MPP4: variants seen among roughly 807,000 people sequenced by gnomAD.
The protein encoded by MPP4 is MAGUK p55 subfamily member 4.
Under a neutral mutation model 98.3 loss-of-function variants are expected in MPP4, and 91 were observed. The ratio of observed to expected loss-of-function variants is 0.93; its 90% CI spans 0.78 to 1.10. The LOEUF (loss-of-function observed/expected upper bound fraction) is 1.10. Among genes scored for constraint, MPP4 ranks in the 50% least tolerant of loss-of-function variants. MPP4 has a pLI of 0.00. For missense variants in MPP4, 744 were observed against 792.9 expected (o/e 0.94, Z 0.74); for synonymous variants, 261 against 271.8 (o/e 0.96, Z 0.39).
chr2:201,689,456 C>T (rs549398377), intron 4 of MPP4, among the ~76,000 whole-genome samples: 7 of 152,032 alleles, frequency 4.6e-5, no homozygotes, highest in African/African-American at 9.6e-5. Context: ...TTTTGGTTGC[C>T]GTGTTGAGAG....
At position 201,687,703 on chromosome 2, in the gene MPP4, A is replaced by C. The variant is rs981751807; in HGVS notation, c.280-332T>G. Among the ~76,000 whole-genome samples the C allele has an allele frequency of 1.8e-4, 28 of 152,182 alleles. 1 individual carries two copies. Among genetic ancestry groups the C allele is most frequent in the African/African-American group, 6.8e-4 (28 of 41,432 alleles). On this transcript the variant is annotated intron_variant, in intron 4 of 21. Coordinates refer to ENST00000409474, the MANE Select transcript of MPP4 (RefSeq NM_033066.3). ...TTTTCCTCTAGTGCCTCTAAAATAT[A>C]ATAGCTGTTGGCTGATGTCAATGCT...
chr2:201,695,906 A>G (rs1318091065), intron 1 of MPP4, among the ~76,000 whole-genome samples: 2 of 152,314 alleles, frequency 1.3e-5, no homozygotes, highest in East Asian at 3.9e-4. Flanking sequence ...GACAATAAAG[A>G]ATACATTAAG....
intron 17 of MPP4, 123 bp from the exon 18 acceptor site, chr2:201,655,040 G>A (rs890975544): frequency 6.5e-6 from 4 of 620,142 alleles, no homozygotes; most frequent in Non-Finnish European, 1.1e-5. Flanking sequence ...GGGAAATTAT[G>A]TAACTTCCTT....
rs58286283 is a variant in MPP4 at position 201,687,326 on chromosome 2, C to G, written c.325G>C (p.Glu109Gln). Residue 109 changes from glutamate to glutamine, a missense_variant, in exon 5 of 22, where the codon GAG becomes CAG. By Grantham distance (29) the Glu-to-Gln change is conservative (BLOSUM62 2). Transcript: ENST00000409474. ...GGAGCCTGGAGCATTTGTCTCAGCT[C>G]TTGGATCTCAGGGGAAGTAGGGGTT... is the stretch of plus-strand genomic sequence containing the variant. The part of the protein sequence containing the change: ...RETPTSPEIQ[E>Q]LRQMLQAPHF... 8.2e-6 allele frequency: 13 copies of G among 1,585,162 alleles called. No individual in the cohort carries two copies. Among genetic ancestry groups the G allele is most frequent in the Middle Eastern group, 1.7e-4 (1 of 6,024 alleles).
At chr2:201,647,150 G>A (rs1687581301) in intron 21 of MPP4, among the ~76,000 whole-genome samples, 1 of 152,162 alleles carries the variant, frequency 6.6e-6, no homozygotes, top group African/African-American at 2.4e-5. Flanking sequence ...GTTCTAGGAT[G>A]AGATCACTGA....
At chr2:201,650,003 A>G in intron 19 of MPP4, 69 bp downstream of exon 19, 2 of 1,416,412 alleles carry the variant, frequency 1.4e-6, no homozygotes, top group Non-Finnish European at 9.5e-7. Context: ...AAAATACATA[A>G]AAATAGGGAA....
chr2:201,656,063 T>C (rs1687837307), intron 17 of MPP4, 135 bp downstream of exon 17: 1 of 1,004,964 alleles, frequency 1.0e-6, no homozygotes, highest in Non-Finnish European at 1.4e-6. Flanking sequence ...TACAATGGCT[T>C]TGTTTTTTAA....
At chr2:201,652,079 C>CTA (rs749725143) in intron 18 of MPP4, 14 of 882,992 alleles carry the variant, frequency 1.6e-5, no homozygotes, top group Non-Finnish European at 1.9e-5. Flanking sequence ...AAAGCACAGC[C>CTA]TATAGCATGC....
chr2:201,659,914 T>A (rs1687978545), intron 15 of MPP4, among the ~76,000 whole-genome samples: 2 of 152,194 alleles, frequency 1.3e-5, no homozygotes, highest in Admixed American at 1.3e-4. Flanking sequence ...TCTTAACCTT[T>A]TTTTTTTAAG....
chr2:201,650,035 CAA>C (rs754440783), intron 19 of MPP4, 35 bp downstream of exon 19: 5 of 1,497,984 alleles, frequency 3.3e-6, no homozygotes, highest in Non-Finnish European at 2.7e-6. Context: ...TGTAAAACAA[CAA>C]GAGGTAAGAA....
At chr2:201,646,050 C>T (rs2105907785) in intron 21 of MPP4, among the ~76,000 whole-genome samples, 1 of 152,216 alleles carries the variant, frequency 6.6e-6, no homozygotes, top group South Asian at 2.1e-4. Context: ...TTCTAAACTA[C>T]AAAACTTATG....
At chr2:201,683,351 T>C (rs933758512) in intron 7 of MPP4, among the ~76,000 whole-genome samples, 4 of 152,094 alleles carry the variant, frequency 2.6e-5, no homozygotes, top group Non-Finnish European at 5.9e-5. Context: ...AGTTGTCAGA[T>C]AGTTGAGAGA....
At chr2:201,672,906 A>T (rs1371748543) in intron 11 of MPP4, among the ~76,000 whole-genome samples, 1 of 152,116 alleles carries the variant, frequency 6.6e-6, no homozygotes, top group Non-Finnish European at 1.5e-5. Context: ...CCTGGCAGAG[A>T]CACACACACA....
intron 5 of MPP4, among the ~76,000 whole-genome samples, chr2:201,686,858 C>G (rs1291826139): frequency 1.3e-5 from 2 of 152,216 alleles, no homozygotes; most frequent in Non-Finnish European, 2.9e-5. Flanking sequence ...GTTCTGCAAT[C>G]AAATGTTCTT....
chr2:201,680,684 C>T (rs1045710147), intron 10 of MPP4, 154 bp downstream of exon 10: 11 of 641,638 alleles, frequency 1.7e-5, no homozygotes, highest in Admixed American at 2.9e-5. Context: ...TAGGGTTTAT[C>T]GATAAGTTGA....
intron 2 of MPP4, among the ~76,000 whole-genome samples, chr2:201,693,527 T>A (rs930242404): frequency 2.0e-5 from 3 of 152,212 alleles, no homozygotes; most frequent in African/African-American, 7.2e-5. Flanking sequence ...ATTCTCCTGA[T>A]TAAAGGGTCT....
intron 9 of MPP4, among the ~76,000 whole-genome samples, 173 bp from the exon 10 acceptor site, chr2:201,681,207 T>A (rs1196412515): frequency 6.6e-6 from 1 of 152,210 alleles, no homozygotes; most frequent in Non-Finnish European, 1.5e-5. Context: ...TGAGCCTAAG[T>A]ACCATGATAA....
chr2:201,657,602 TTTTTTTG>T lies in MPP4; in HGVS notation c.1129+868_1129+874del, dbSNP rs1216384324. Among the ~76,000 whole-genome samples the T allele has an allele frequency of 1.7e-3, 186 of 111,862 alleles. 22 individuals are homozygous for T. Among genetic ancestry groups the T allele is most frequent in the African/African-American group, 6.0e-3 (132 of 22,178 alleles). The allele number at this position is 111,862 out of a possible 152,430, so 73.4% of individuals were successfully genotyped here. The stretch of plus-strand genomic sequence containing the variant: ...AACCCTGGCCCTTGTTTTTTTTTTG[TTTTTTTG>T]TTTTTTTTTGCTTATTGTATCAATC... On this transcript the variant is annotated intron_variant, in intron 16 of 21. Transcript: ENST00000409474.
chr2:201,693,987 G>A lies in MPP4; in HGVS notation c.-33C>T. Reference sequence around the variant, plus strand: ...GCCGGAGCTTCTGAAAGGAATTCAGGACTAGGAAGCGGGTCAATACACGGC... The same window carrying A: ...GCCGGAGCTTCTGAAAGGAATTCAGAACTAGGAAGCGGGTCAATACACGGC... On this transcript the variant is annotated 5_prime_UTR_variant, in exon 2 of 22. Transcript: ENST00000409474. 6.2e-7 allele frequency: 1 copy of A among 1,613,834 alleles called. No individual in the cohort carries two copies. The highest frequency in any genetic ancestry group is 2.2e-5 in the East Asian group (1 of 44,886).
Sources: allele counts gnomAD v4.1 joint callset (sites outside exome capture counted in the v4.1 genomes callset), GRCh38; gene constraint gnomAD v4.1.1; transcripts MANE v1.5; gene names NCBI Gene and HGNC (gene_info 2026-07-23, HGNC 2026-07-21).